Variants in PITPNM2 observed in about 807,000 individuals in gnomAD.
PITPNM2 encodes phosphatidylinositol transfer protein membrane associated 2.
Under a neutral mutation model 132.2 loss-of-function variants are expected in PITPNM2, and 35 were observed. The ratio of observed to expected loss-of-function variants is 0.26; its 90% CI spans 0.20 to 0.35. The LOEUF (loss-of-function observed/expected upper bound fraction) is 0.35. PITPNM2 is among the 10% of genes least tolerant of loss of function. PITPNM2 has a pLI of 1.00. For synonymous variants in PITPNM2, 738 were observed against 799.2 expected, an observed-to-expected ratio of 0.92 and a Z score of 1.29; for missense variants, 1,332 against 1,912.0, an observed-to-expected ratio of 0.70 and a Z score of 5.66.
chr12:123,004,366 C>G lies in PITPNM2; in HGVS notation c.1048+28G>C. On this transcript the variant is annotated intron_variant, in intron 8 of 25. Coordinates refer to ENST00000320201, the MANE Select transcript of PITPNM2 (RefSeq NM_020845.3). This position sits in a 1 kb window ranked among gnomAD's most constrained non-coding sequence, Gnocchi z 4.9. Reference sequence around the variant, plus strand: ...CTCCCCACCTCGCCCAGGAAGGCCCCAAGGACTGCAGAGCGCTGCCTGCCT... The same window carrying G: ...CTCCCCACCTCGCCCAGGAAGGCCCGAAGGACTGCAGAGCGCTGCCTGCCT... 1.2e-6 allele frequency: 2 copies of G among 1,611,704 alleles called. No homozygotes were observed. The highest frequency in any genetic ancestry group is 1.7e-6 in the Non-Finnish European group (2 of 1,178,420).
intron 20 of PITPNM2, 34 bp downstream of exon 20, chr12:122,988,200 A>G (rs1434994211): frequency 1.3e-6 from 2 of 1,561,470 alleles, no homozygotes; most frequent in East Asian, 2.2e-5. Flanking sequence ...ACAGGGTGAC[A>G]TCGTGGGGGC....
At chr12:123,065,103 G>A (rs886677081) in intron 2 of PITPNM2, among the ~76,000 whole-genome samples, 5 of 152,334 alleles carry the variant, frequency 3.3e-5, no homozygotes, top group Admixed American at 6.5e-5. Flanking sequence ...GCCCCTGGAC[G>A]GCTGCACAAG....
chr12:123,048,472 G>A (rs2136620989), intron 2 of PITPNM2, among the ~76,000 whole-genome samples: 1 of 152,040 alleles, frequency 6.6e-6, no homozygotes, highest in African/African-American at 2.4e-5. Flanking sequence ...GACTGCAGTG[G>A]CGCAATCTCG....
Position 123,008,385 on chromosome 12 carries a change from T to C in PITPNM2, c.643+1465A>G, listed in dbSNP as rs1162200039. ...AGAGGGTGGGACGAGTCACCAGCGCTGATGTGTTCAGGTTCCTGGAGGTCG... is the reference window on the plus strand; with the variant it reads ...AGAGGGTGGGACGAGTCACCAGCGCCGATGTGTTCAGGTTCCTGGAGGTCG... On this transcript the variant is annotated intron_variant, in intron 6 of 25. Coordinates refer to ENST00000320201, the MANE Select transcript of PITPNM2 (RefSeq NM_020845.3). This position sits in a 1 kb window ranked among gnomAD's most constrained non-coding sequence, Gnocchi z 4.1. 1.3e-5 allele frequency among the ~76,000 whole-genome samples: 2 copies of C among 152,162 alleles called. No individual in the cohort carries two copies. Among genetic ancestry groups the C allele is most frequent in the African/African-American group, 4.8e-5 (2 of 41,440 alleles).
chr12:123,007,450 C>T (rs1282220304), intron 6 of PITPNM2: 5 of 455,572 alleles, frequency 1.1e-5, no homozygotes, highest in African/African-American at 2.0e-5. Flanking sequence ...AATCTCAGGG[C>T]ATGTACCCCC....
At chr12:123,115,564 CAT>C (rs1184631766) in intron 1 of PITPNM2, among the ~76,000 whole-genome samples, 5 of 152,012 alleles carry the variant, frequency 3.3e-5, no homozygotes, top group East Asian at 1.9e-4. Flanking sequence ...CACACACACA[CAT>C]GCACACACAC....
At chr12:123,065,108 C>T (rs1012398049) in intron 2 of PITPNM2, among the ~76,000 whole-genome samples, 6 of 152,266 alleles carry the variant, frequency 3.9e-5, no homozygotes, top group African/African-American at 1.4e-4. Context: ...TGGACGGCTG[C>T]ACAAGGCCCT....
At chr12:123,093,871 G>A (rs1315540781) in intron 2 of PITPNM2, among the ~76,000 whole-genome samples, 2 of 152,352 alleles carry the variant, frequency 1.3e-5, no homozygotes, top group Admixed American at 1.3e-4. Flanking sequence ...AGAGCCAGGA[G>A]GCCTGGGCCA....
At chr12:123,130,510 G>A (rs1416790590) in intron 1 of PITPNM2, among the ~76,000 whole-genome samples, 12 of 152,134 alleles carry the variant, frequency 7.9e-5, no homozygotes, top group African/African-American at 2.9e-4. Flanking sequence ...TGATTGGCCC[G>A]GCAATCACGC....
chr12:123,065,096 C>T (rs1409402689), intron 2 of PITPNM2, among the ~76,000 whole-genome samples: 1 of 152,242 alleles, frequency 6.6e-6, no homozygotes, highest in Non-Finnish European at 1.5e-5. Context: ...GCTGGAGGCC[C>T]CTGGACGGCT....
intron 2 of PITPNM2, among the ~76,000 whole-genome samples, chr12:123,041,387 G>A (rs906243738): frequency 6.6e-6 from 1 of 152,186 alleles, no homozygotes; most frequent in Non-Finnish European, 1.5e-5. Context: ...GCCTGAAGGA[G>A]GAGCAGCCCT....
chr12:123,077,165 G>A lies in PITPNM2; in HGVS notation c.-96+33220C>T, dbSNP rs1453994443. On this transcript the variant is annotated intron_variant, in intron 2 of 25. Transcript: ENST00000320201. This position sits in a 1 kb window ranked among gnomAD's most constrained non-coding sequence, Gnocchi z 4.8. ...CTGTGCCGAGGGGCTGTCCCAAACA[G>A]ATGGTGCTATCCAGACAGACACACT... is the stretch of plus-strand genomic sequence containing the variant. 6.6e-6 allele frequency among the ~76,000 whole-genome samples: 1 copy of A among 152,174 alleles called. No homozygotes were observed. The highest frequency in any genetic ancestry group is 1.5e-5 in the Non-Finnish European group (1 of 68,022).
At chr12:123,139,875 T>C (rs1483266775) in intron 1 of PITPNM2, among the ~76,000 whole-genome samples, 1 of 152,176 alleles carries the variant, frequency 6.6e-6, no homozygotes, top group Non-Finnish European at 1.5e-5. Flanking sequence ...GTATGACTTA[T>C]TATCACCCCT....
intron 2 of PITPNM2, among the ~76,000 whole-genome samples, chr12:123,046,551 C>T (rs1592970919): frequency 6.6e-6 from 1 of 152,168 alleles, no homozygotes; most frequent in Non-Finnish European, 1.5e-5. Context: ...ACATTTTCCT[C>T]ACCCAAAAAG....
chr12:123,073,511 T>C (rs958219064), intron 2 of PITPNM2, among the ~76,000 whole-genome samples: 10 of 152,196 alleles, frequency 6.6e-5, no homozygotes, highest in Admixed American at 1.3e-4. Flanking sequence ...AAGTAGACAG[T>C]GTTATCTCTA....
At chr12:123,016,281 G>C (rs550884559) in intron 3 of PITPNM2, among the ~76,000 whole-genome samples, 1 of 151,150 alleles carries the variant, frequency 6.6e-6, no homozygotes, top group Non-Finnish European at 1.5e-5. Context: ...AGCCAAGATC[G>C]CGCCACTGCA....
intron 2 of PITPNM2, among the ~76,000 whole-genome samples, chr12:123,057,696 A>G (rs2041083067): frequency 6.6e-6 from 1 of 152,206 alleles, no homozygotes; most frequent in Admixed American, 6.5e-5. Flanking sequence ...TCTGGTGGTG[A>G]CGGTTCATCT....
At position 123,078,565 on chromosome 12, in the gene PITPNM2, C is replaced by T. The variant is rs2041862308; in HGVS notation, c.-96+31820G>A. Among the ~76,000 whole-genome samples, 1 of 152,216 alleles carries T rather than the reference C, an allele frequency of 6.6e-6. No homozygotes were observed. Among genetic ancestry groups the T allele is most frequent in the Non-Finnish European group, 1.5e-5 (1 of 68,028 alleles). On this transcript the variant is annotated intron_variant, in intron 2 of 25. Transcript: ENST00000320201. The surrounding 1 kb of genome is among the most constrained non-coding windows in gnomAD (Gnocchi z 7.3). ...TAGGGGAGGCGTTGTGGATTTCCAC[C>T]TGCCCGGCCTCCCTGTTTCTAAAAA...
chr12:123,107,457 C>G (rs981764934), intron 2 of PITPNM2, among the ~76,000 whole-genome samples: 1 of 152,214 alleles, frequency 6.6e-6, no homozygotes, highest in Non-Finnish European at 1.5e-5. Flanking sequence ...CTACCCCACC[C>G]ACCACCTGCC....
Sources: allele counts gnomAD v4.1 joint callset (sites outside exome capture counted in the v4.1 genomes callset), GRCh38; gene constraint gnomAD v4.1.1; non-coding constraint Gnocchi (gnomAD v3.1); transcripts MANE v1.5; gene names NCBI Gene and HGNC (gene_info 2026-07-23, HGNC 2026-07-21).